The following PEBP4 variants were observed in gnomAD, a reference collection of about 807,000 sequenced individuals.
PEBP4 encodes phosphatidylethanolamine-binding protein 4.
A neutral mutation model predicts 23.9 loss-of-function variants in PEBP4; 22 were observed. The ratio of observed to expected loss-of-function variants is 0.92; its 90% CI spans 0.66 to 1.31. PEBP4 has a LOEUF of 1.31. Ranked by LOEUF, PEBP4 falls within the 40% of genes most tolerant of loss-of-function variation. The pLI is 0.00. For missense variants in PEBP4, 324 were observed against 281.7 expected (o/e 1.15, Z -1.07); for synonymous variants, 112 against 99.3 (o/e 1.13, Z -0.76).
intron 3 of PEBP4, among the ~76,000 whole-genome samples, chr8:22,837,215 C>T (rs1293109002): frequency 2.0e-5 from 3 of 152,222 alleles, no homozygotes; most frequent in Non-Finnish European, 4.4e-5. Flanking sequence ...ATTTCGATAG[C>T]ATCCTAACTG....
At chr8:22,870,100 C>A (rs1323692787) in intron 3 of PEBP4, among the ~76,000 whole-genome samples, 1 of 152,196 alleles carries the variant, frequency 6.6e-6, no homozygotes, top group Admixed American at 6.5e-5. Context: ...AGACACAAAA[C>A]CTGCACCAGC....
chr8:22,797,925 C>A (rs957125481), intron 4 of PEBP4, among the ~76,000 whole-genome samples: 1 of 152,044 alleles, frequency 6.6e-6, no homozygotes, highest in African/African-American at 2.4e-5. Context: ...GCTGGCTGTG[C>A]ACGGGTGCAG....
At chr8:22,878,788 A>AG (rs1166222822) in intron 3 of PEBP4, among the ~76,000 whole-genome samples, 2 of 152,202 alleles carry the variant, frequency 1.3e-5, no homozygotes, top group African/African-American at 4.8e-5. Context: ...CTGGATGCCA[A>AG]GGGGAAAATA....
chr8:22,779,844 G>A (rs1805881872), intron 4 of PEBP4, among the ~76,000 whole-genome samples: 1 of 152,202 alleles, frequency 6.6e-6, no homozygotes, highest in Admixed American at 6.5e-5. Flanking sequence ...ACCATCACAT[G>A]GGCGACTTAG....
intron 4 of PEBP4, among the ~76,000 whole-genome samples, chr8:22,809,832 C>G (rs1330118533): frequency 6.6e-6 from 1 of 152,178 alleles, no homozygotes; most frequent in Non-Finnish European, 1.5e-5. Context: ...GGAAGAGTAT[C>G]TGTGGCCAGG....
chr8:22,938,145 C>T (rs192163106), intron 1 of PEBP4, among the ~76,000 whole-genome samples: 1 of 152,198 alleles, frequency 6.6e-6, no homozygotes, highest in Non-Finnish European at 1.5e-5. Flanking sequence ...AAGAGACAAC[C>T]TGCAGAATGA....
intron 4 of PEBP4, among the ~76,000 whole-genome samples, chr8:22,788,826 G>C (rs1336936192): frequency 6.6e-6 from 1 of 152,138 alleles, no homozygotes; most frequent in Admixed American, 6.5e-5. Context: ...GGTGAATGAA[G>C]AGTTGTGTAT....
intron 4 of PEBP4, among the ~76,000 whole-genome samples, chr8:22,773,879 T>C (rs778913305): frequency 5.9e-5 from 9 of 152,312 alleles, no homozygotes; most frequent in East Asian, 3.9e-4. Context: ...TTCCCTGTTC[T>C]GACCAGAGGA....
In PEBP4 at chr8:22,728,543, CCTTT is replaced by C. The variant is rs142257916; in HGVS notation, c.358-1327_358-1324del. Among the ~76,000 whole-genome samples, 371 of 115,386 alleles carry C rather than the reference CCTTT, an allele frequency of 3.2e-3. 6 individuals are homozygous for C. Among genetic ancestry groups the C allele is most frequent in the African/African-American group, 7.8e-3 (251 of 32,222 alleles). The allele number at this position is 115,386 out of a possible 152,430, so 75.7% of individuals were successfully genotyped here. On this transcript the variant is annotated intron_variant, in intron 4 of 6. Transcript: ENST00000256404. ...TTGCTGGCTTGCTTCTTTCTTCCTT[CCTTT>C]CTTTCTTTCTTTCTTCCTTCCTTCC... is the stretch of plus-strand genomic sequence containing the variant.
chr8:22,930,800 C>T (rs549813209), upstream of PEBP4, among the ~76,000 whole-genome samples: 8 of 152,286 alleles, frequency 5.3e-5, no homozygotes, highest in South Asian at 1.7e-3. Context: ...GATCTGAAAG[C>T]CGTGTTCAAG....
chr8:22,857,815 G>C (rs1314336232), intron 3 of PEBP4, among the ~76,000 whole-genome samples: 1 of 152,194 alleles, frequency 6.6e-6, no homozygotes, highest in Admixed American at 6.5e-5. Flanking sequence ...AGCATACCAA[G>C]TCAGGGAGCA....
intron 2 of PEBP4, among the ~76,000 whole-genome samples, chr8:22,924,212 A>T (rs1809275394): frequency 6.6e-6 from 1 of 151,980 alleles, no homozygotes; most frequent in African/African-American, 2.4e-5. Flanking sequence ...AAAAATAAGA[A>T]ACTTAGCCAG....
At chr8:22,861,903 C>G (rs1193406948) in intron 3 of PEBP4, among the ~76,000 whole-genome samples, 1 of 152,098 alleles carries the variant, frequency 6.6e-6, no homozygotes, top group Non-Finnish European at 1.5e-5. Context: ...ATCTTAGGAG[C>G]AATTTGTGAG....
chr8:22,917,790 G>A (rs763821073), intron 3 of PEBP4, among the ~76,000 whole-genome samples: 23 of 152,338 alleles, frequency 1.5e-4, no homozygotes, highest in Non-Finnish European at 2.5e-4. Context: ...AGACCAAAGC[G>A]AGACCAATCC....
chr8:22,826,882 A>G (rs1318006005), intron 3 of PEBP4, among the ~76,000 whole-genome samples: 2 of 152,226 alleles, frequency 1.3e-5, no homozygotes, highest in Non-Finnish European at 2.9e-5. Context: ...AAAATAAACC[A>G]AACTTATAAA....
At chr8:22,893,127 C>T (rs1209627185) in intron 3 of PEBP4, among the ~76,000 whole-genome samples, 1 of 152,192 alleles carries the variant, frequency 6.6e-6, no homozygotes, top group Non-Finnish European at 1.5e-5. Flanking sequence ...CTACAGGGCT[C>T]ACACAAGGCT....
At chr8:22,871,393 A>C (rs1385425416) in intron 3 of PEBP4, among the ~76,000 whole-genome samples, 1 of 152,136 alleles carries the variant, frequency 6.6e-6, no homozygotes, top group Non-Finnish European at 1.5e-5. Flanking sequence ...TAGTCACTAC[A>C]GATTTAGCTC....
intron 4 of PEBP4, among the ~76,000 whole-genome samples, chr8:22,816,878 A>G (rs766666792): frequency 2.6e-5 from 4 of 152,120 alleles, no homozygotes; most frequent in African/African-American, 9.7e-5. Context: ...ATCAAATGCA[A>G]CTGGAAAATC....
intron 4 of PEBP4, among the ~76,000 whole-genome samples, chr8:22,765,399 C>T (rs1359797853): frequency 6.6e-6 from 1 of 152,164 alleles, no homozygotes; most frequent in African/African-American, 2.4e-5. Context: ...CCGCCTTGGC[C>T]TCCCAAAGTG....
Sources: allele counts gnomAD v4.1 joint callset (sites outside exome capture counted in the v4.1 genomes callset), GRCh38; gene constraint gnomAD v4.1.1; transcripts MANE v1.5; gene names NCBI Gene and HGNC (gene_info 2026-07-23, HGNC 2026-07-21).